The following CPSF2 variants were observed in gnomAD, a reference collection of about 807,000 sequenced individuals.
CPSF2 encodes the protein cleavage and polyadenylation specific factor 2, also known as cleavage and polyadenylation specificity factor subunit 2.
CPSF2 carries 51 observed loss-of-function variants against 84.2 expected under a neutral mutation model. The observed-to-expected ratio is 0.61, with a 90% CI of 0.48 to 0.77. The LOEUF (loss-of-function observed/expected upper bound fraction) is 0.77, where lower values mean the gene tolerates loss of function less well. CPSF2 is among the 30% of genes least tolerant of loss of function. CPSF2 has a pLI of 0.00. For synonymous variants in CPSF2, 286 were observed against 311.9 expected, an observed-to-expected ratio of 0.92 and a Z score of 0.87; for missense variants, 641 against 929.4, an observed-to-expected ratio of 0.69 and a Z score of 4.03.
At chr14:92,139,349 G>A (rs1253384288) in intron 7 of CPSF2, among the ~76,000 whole-genome samples, 2 of 151,632 alleles carry the variant, frequency 1.3e-5, no homozygotes, top group African/African-American at 2.4e-5. Flanking sequence ...CCCGGAAGGC[G>A]GAGCTTGCAG....
At chr14:92,133,063 C>G (rs1030758523) in intron 3 of CPSF2, among the ~76,000 whole-genome samples, 1 of 151,810 alleles carries the variant, frequency 6.6e-6, no homozygotes, top group Admixed American at 6.6e-5. Context: ...GCACTCCAGC[C>G]TGGGCAACAG....
chr14:92,122,439 A>C (rs1001809471), intron 1 of CPSF2: 3 of 156,870 alleles, frequency 1.9e-5, no homozygotes, highest in African/African-American at 7.2e-5. Flanking sequence ...AGTTAAACCG[A>C]CGCCAGCTTT....
At position 92,134,065 on chromosome 14, in the gene CPSF2, T is replaced by C; in HGVS notation, c.204T>C (p.Leu68=). The C allele has an allele frequency of 6.2e-7, 1 of 1,614,234 alleles. No homozygotes were observed. ...TGTCTCACCCTGATCCTCTCCACCT[T>C]GGTGCCCTCCCGTATGCTGTCGGAA... ...VLLSHPDPLH[L]GALPYAVGKL... The change falls in exon 4 of 16, where the codon CTT becomes CTC. Residue 68 remains leucine (L), a synonymous_variant. Transcript: ENST00000298875.
At chr14:92,160,258 C>T (rs1442555927) in intron 14 of CPSF2, among the ~76,000 whole-genome samples, 1 of 152,220 alleles carries the variant, frequency 6.6e-6, no homozygotes, top group Non-Finnish European at 1.5e-5. Context: ...CCAATGCACC[C>T]AGCCAATAGT....
rs1555416386 is a variant in CPSF2, at chr14:92,167,892, G to GGT, written c.*6148_*6149insGT. The stretch of plus-strand genomic sequence containing the variant: ...TCAGTGATTGAGAGGTTAATTGCAG[G>GGT]TTTTTTTTTTTTTTTTTTCTGGTAA... On this transcript the variant is annotated 3_prime_UTR_variant, in exon 16 of 16. Coordinates refer to ENST00000298875, the MANE Select transcript of CPSF2 (RefSeq NM_017437.3). The GGT allele has an allele frequency of 7.4e-6, 1 of 135,354 alleles. No individual in the cohort carries two copies. Among genetic ancestry groups the GGT allele is most frequent in the Non-Finnish European group, 1.6e-5 (1 of 63,630 alleles). 8.4% of individuals were successfully genotyped at this position (135,354 alleles called of 1,614,324 possible).
intron 1 of CPSF2, among the ~76,000 whole-genome samples, chr14:92,125,579 A>G (rs2068835983): frequency 6.6e-6 from 1 of 152,084 alleles, no homozygotes; most frequent in Non-Finnish European, 1.5e-5. Flanking sequence ...CTACTTGATA[A>G]TGAGTCTTAA....
Position 92,159,191 on chromosome 14 carries a change from A to G in CPSF2, c.2030A>G (p.Lys677Arg), listed in dbSNP as rs776149602. ...GATTCTAGCGTTATAGCACAACAAA[A>G]GGCCATGAAAAGTCTGTTCGGAGAT... ...PSDSSVIAQQ[K>R]AMKSLFGDDE... The change falls in exon 14 of 16, where the codon AAG becomes AGG. Residue 677 changes from lysine (K) to arginine (R), a missense_variant. By Grantham distance (26) the Lys-to-Arg change is conservative. Around this residue, in one of 2 missense-constraint regions of CPSF2, gnomAD observed 430 missense variants for 553.6 expected, o/e 0.78. Coordinates refer to ENST00000298875, the MANE Select transcript of CPSF2 (RefSeq NM_017437.3). 4.3e-6 allele frequency: 7 copies of G among 1,613,976 alleles called. No individual in the cohort carries two copies. Among genetic ancestry groups the G allele is most frequent in the Middle Eastern group, 3.3e-4 (2 of 6,084 alleles).
intron 9 of CPSF2, among the ~76,000 whole-genome samples, chr14:92,150,414 A>T (rs545470664): frequency 1.6e-3 from 239 of 149,394 alleles, no homozygotes; most frequent in Middle Eastern, 6.9e-3. Context: ...GAGTCACCGC[A>T]CCAGGCCCTG....
rs889628013 is a variant in CPSF2, at chr14:92,159,350, G to T, written c.2121+68G>T. ...CATCCTTCTAGTTTTCATGTCTTTT[G>T]GTTTTTTTCCCCCCTTCTAAAACTA... On this transcript the variant is annotated intron_variant, in intron 14 of 15. Coordinates refer to ENST00000298875, the MANE Select transcript of CPSF2 (RefSeq NM_017437.3). The T allele has an allele frequency of 3.2e-5, 43 of 1,355,808 alleles. No homozygotes were observed. In the Admixed American group the frequency reaches 3.9e-4, roughly 12 times the overall value. 84.0% of individuals were successfully genotyped at this position (1,355,808 alleles called of 1,614,324 possible). A position where few individuals can be genotyped will look rare whatever the true frequency, so the allele number is the denominator to read the frequency against.
At position 92,169,130 on chromosome 14, in the gene CPSF2, C is replaced by T. The variant is rs2069487171; in HGVS notation, c.*7386C>T. 1 of 152,178 alleles carries T rather than the reference C, an allele frequency of 6.6e-6. No individual in the cohort carries two copies. Among genetic ancestry groups the T allele is most frequent in the South Asian group, 2.1e-4 (1 of 4,830 alleles). The allele number at this position is 152,178 out of a possible 1,614,324, so 9.4% of individuals were successfully genotyped here. A position where few individuals can be genotyped will look rare whatever the true frequency, so the allele number is the denominator to read the frequency against. The stretch of plus-strand genomic sequence containing the variant: ...GCACATACTGTACAGTCAAAACTAT[C>T]AGACGTAACTCTGTGGGAAACTTTA... On this transcript the variant is annotated 3_prime_UTR_variant, in exon 16 of 16. Transcript: ENST00000298875.
chr14:92,122,648 A>G (rs2068788621), intron 1 of CPSF2, among the ~76,000 whole-genome samples: 1 of 152,160 alleles, frequency 6.6e-6, no homozygotes, highest in Non-Finnish European at 1.5e-5. Context: ...CCCTCCCGCC[A>G]TCGCCCTCCA....
At chr14:92,136,475 A>C (rs933962593) in intron 6 of CPSF2, among the ~76,000 whole-genome samples, 1 of 152,180 alleles carries the variant, frequency 6.6e-6, no homozygotes, top group Non-Finnish European at 1.5e-5. Flanking sequence ...GAGGGCAGTC[A>C]GGCCTCAGGT....
intron 9 of CPSF2, among the ~76,000 whole-genome samples, chr14:92,151,058 A>G (rs2069208971): frequency 6.6e-6 from 1 of 152,188 alleles, no homozygotes; most frequent in African/African-American, 2.4e-5. Flanking sequence ...CCAATTAATT[A>G]TGTTAGAAAA....
rs527879421 is a variant in CPSF2, at chr14:92,165,729, T to C, written c.*3985T>C. The stretch of plus-strand genomic sequence containing the variant: ...CCATTATATATTGATTTGCAAGTAT[T>C]TTATTCCATTCTGTGGCTTGTCTTT... On this transcript the variant is annotated 3_prime_UTR_variant, in exon 16 of 16. Coordinates refer to ENST00000298875, the MANE Select transcript of CPSF2 (RefSeq NM_017437.3). 1.3e-5 allele frequency: 2 copies of C among 152,122 alleles called. No individual in the cohort carries two copies. The highest frequency in any genetic ancestry group is 4.8e-5 in the African/African-American group (2 of 41,530). 9.4% of individuals were successfully genotyped at this position (152,122 alleles called of 1,614,324 possible).
At chr14:92,126,459 AT>A (rs1378654711) in intron 2 of CPSF2, among the ~76,000 whole-genome samples, 1 of 152,208 alleles carries the variant, frequency 6.6e-6, no homozygotes, top group African/African-American at 2.4e-5. Context: ...CCTTTCCAAA[AT>A]TGTATTTATA....
chr14:92,149,758 TG>T (rs2069187948), intron 9 of CPSF2, among the ~76,000 whole-genome samples: 1 of 151,658 alleles, frequency 6.6e-6, no homozygotes, highest in African/African-American at 2.4e-5. Context: ...CAGGTTCAAG[TG>T]ATTCTCCTGC....
intron 9 of CPSF2, among the ~76,000 whole-genome samples, chr14:92,144,552 A>G (rs1332678357): frequency 6.6e-6 from 1 of 152,234 alleles, no homozygotes; most frequent in Non-Finnish European, 1.5e-5. Flanking sequence ...TCAGTGGTCC[A>G]CAATTAAGCA....
At position 92,134,254 on chromosome 14, in the gene CPSF2, G is replaced by A. The variant is rs1350880939; in HGVS notation, c.314G>A (p.Arg105Gln). Residue 105 changes from arginine (R) to glutamine (Q), a missense_variant, in exon 5 of 16, where the codon CGA becomes CAA. Coordinates refer to ENST00000298875, the MANE Select transcript of CPSF2 (RefSeq NM_017437.3). ...QMFMYDLYQS[R>Q]HNTEDFTLFT... ...TTATTTGTGTTATTCTTTTAGTCTC[G>A]ACACAATACAGAAGATTTTACACTC... is the stretch of plus-strand genomic sequence containing the variant. 1.9e-6 allele frequency: 3 copies of A among 1,612,512 alleles called. No homozygotes were observed. The highest frequency in any genetic ancestry group is 2.2e-5 in the East Asian group (1 of 44,866).
chr14:92,122,383 C>T (rs545244791), intron 1 of CPSF2: 2 of 161,618 alleles, frequency 1.2e-5, no homozygotes, highest in South Asian at 2.9e-4. Context: ...TTCTTCCCTC[C>T]TTTCTGCTTC....
Sources: gnomAD v4.1 joint callset for allele counts (sites outside exome capture counted in the v4.1 genomes callset) on GRCh38, gnomAD v4.1.1 for gene constraint, gnomAD v4.1.1 regional missense constraint, MANE v1.5 for transcripts, NCBI Gene and HGNC (gene_info 2026-07-23, HGNC 2026-07-21) for gene names.